The following PCDHGB3 variants were observed in gnomAD, a reference collection of about 807,000 sequenced individuals.
PCDHGB3 encodes protocadherin gamma subfamily B, 3.
In PCDHGB3, 40 loss-of-function variants were observed where a neutral mutation model predicts 59.2. The observed-to-expected ratio is 0.68, with a 90% CI of 0.52 to 0.88. The LOEUF (loss-of-function observed/expected upper bound fraction) is 0.88, where lower values mean the gene tolerates loss of function less well. Ranked by LOEUF, PCDHGB3 falls within the 40% of genes least tolerant of loss-of-function variation. The pLI is 0.00. For synonymous variants in PCDHGB3, 581 were observed against 503.6 expected, an observed-to-expected ratio of 1.15 and a Z score of -2.06; for missense variants, 1,309 against 1,187.9, an observed-to-expected ratio of 1.10 and a Z score of -1.50.
At chr5:141,384,231 C>T in intron 1 of PCDHGB3, 2 of 1,613,928 alleles carry the variant, frequency 1.2e-6, no homozygotes, top group Non-Finnish European at 1.7e-6. Flanking sequence ...AGGTGGCAGA[C>T]ACCAACGATA....
intron 2 of PCDHGB3, among the ~76,000 whole-genome samples, chr5:141,498,839 A>C (rs2099786236): frequency 6.6e-6 from 1 of 152,062 alleles, no homozygotes; most frequent in Non-Finnish European, 1.5e-5. Context: ...AGGCTGAGGC[A>C]GGGGAATCGC....
At position 141,491,640 on chromosome 5, in the gene PCDHGB3, T is replaced by A; in HGVS notation, c.2416-3167T>A. 6.2e-7 allele frequency: 1 copy of A among 1,613,804 alleles called. No homozygotes were observed. Among genetic ancestry groups the A allele is most frequent in the South Asian group, 1.1e-5 (1 of 91,086 alleles). On this transcript the variant is annotated intron_variant, in intron 1 of 3. Coordinates refer to ENST00000576222, the MANE Select transcript of PCDHGB3 (RefSeq NM_018924.5). This position sits in a 1 kb window ranked among gnomAD's most constrained non-coding sequence, Gnocchi z 6.9. ...CCCTCAGCGTTCAGCAGCCCACAGC[T>A]CTGGCGCTGGAGCCTGACGCCATCC...
Position 141,511,913 on chromosome 5 carries a change from A to G in PCDHGB3, c.*740A>G, listed in dbSNP as rs1190072814. On this transcript the variant is annotated 3_prime_UTR_variant, in exon 4 of 4. Coordinates refer to ENST00000576222, the MANE Select transcript of PCDHGB3 (RefSeq NM_018924.5). ...CCCCCACCTCCTCCTCAAACAAGAG[A>G]CTCCACTGCATGTTCCAAGACAGTA... is the stretch of plus-strand genomic sequence containing the variant. The G allele has an allele frequency of 6.4e-6, 1 of 156,050 alleles. No individual in the cohort carries two copies. The highest frequency in any genetic ancestry group is 2.4e-5 in the African/African-American group (1 of 41,402). The allele number at this position is 156,050 out of a possible 1,614,324, so 9.7% of individuals were successfully genotyped here.
At position 141,432,015 on chromosome 5, in the gene PCDHGB3, A is replaced by G. The variant is rs745405194; in HGVS notation, c.2415+59206A>G. 6.2e-7 allele frequency: 1 copy of G among 1,614,196 alleles called. No individual in the cohort carries two copies. Among genetic ancestry groups the G allele is most frequent in the Admixed American group, 1.7e-5 (1 of 60,032 alleles). On this transcript the variant is annotated intron_variant, in intron 1 of 3. Coordinates refer to ENST00000576222, the MANE Select transcript of PCDHGB3 (RefSeq NM_018924.5). The surrounding 1 kb of genome is among the most constrained non-coding windows in gnomAD (Gnocchi z 6.0). ...GATAGGGAACAGGTTCCTAGCTACA[A>G]CATCACAGTGACCGCCACTGACCGG...
At chr5:141,374,401 T>C in intron 1 of PCDHGB3, 7 of 1,614,060 alleles carry the variant, frequency 4.3e-6, no homozygotes, top group Non-Finnish European at 5.1e-6. Flanking sequence ...TGGTGAGTTT[T>C]AACATCCTTG....
rs772264177 is a variant in PCDHGB3 at position 141,376,458 on chromosome 5, T to C, written c.2415+3649T>C. On this transcript the variant is annotated intron_variant, in intron 1 of 3. Coordinates refer to ENST00000576222, the MANE Select transcript of PCDHGB3 (RefSeq NM_018924.5). Reference sequence around the variant, plus strand: ...AGCTATGAGAAAAGCGAGCCTCTTCTGATAACTCAGGATTTACTTGAAACG... The same window carrying C: ...AGCTATGAGAAAAGCGAGCCTCTTCCGATAACTCAGGATTTACTTGAAACG... 14 of 1,614,106 alleles carry C rather than the reference T, an allele frequency of 8.7e-6. No individual in the cohort carries two copies. In the African/African-American group the frequency reaches 1.5e-4, roughly 17 times the overall value.
At chr5:141,478,074 A>G in intron 1 of PCDHGB3, 1 of 1,614,090 alleles carries the variant, frequency 6.2e-7, no homozygotes, top group Non-Finnish European at 8.5e-7. Context: ...GACAATGGGG[A>G]GCCTTCGCTC....
In PCDHGB3 at chr5:141,407,146, T is replaced by C. The variant is rs142297912; in HGVS notation, c.2415+34337T>C. On this transcript the variant is annotated intron_variant, in intron 1 of 3. Transcript: ENST00000576222. ...TGCTTTATTTTTAAGAAAAAAAAGC[T>C]GAAGTGTCTGGGAATCCTTTATGAC... 2.0e-5 allele frequency among the ~76,000 whole-genome samples: 3 copies of C among 152,354 alleles called. No individual in the cohort carries two copies. The East Asian group carries it at 5.8e-4, about 29-fold the overall frequency.
chr5:141,485,744 G>T lies in PCDHGB3; in HGVS notation c.2416-9063G>T. 1 of 1,614,226 alleles carries T rather than the reference G, an allele frequency of 6.2e-7. No individual in the cohort carries two copies. Among genetic ancestry groups the T allele is most frequent in the Non-Finnish European group, 8.5e-7 (1 of 1,180,038 alleles). On this transcript the variant is annotated intron_variant, in intron 1 of 3. Transcript: ENST00000576222. The surrounding 1 kb of genome is among the most constrained non-coding windows in gnomAD (Gnocchi z 5.7). ...GAAGAAGCGCAGCGACGGCAGCCTG[G>T]TCCCAGAGCTGCTCCTGGAGAAGCC...
intron 1 of PCDHGB3, chr5:141,399,577 T>C: frequency 1.2e-6 from 2 of 1,613,972 alleles, no homozygotes; most frequent in Non-Finnish European, 1.7e-6. Context: ...CGGCCAAGTC[T>C]CCTACTCTAT....
Position 141,486,772 on chromosome 5 carries a change from T to A in PCDHGB3, c.2416-8035T>A. ...ATGAGCAAACCCAGACACTGCAGTT[T>A]GAGGTGCAGGCCCGGGATCGGGGCA... is the stretch of plus-strand genomic sequence containing the variant. On this transcript the variant is annotated intron_variant, in intron 1 of 3. Coordinates refer to ENST00000576222, the MANE Select transcript of PCDHGB3 (RefSeq NM_018924.5). The surrounding 1 kb of genome is among the most constrained non-coding windows in gnomAD (Gnocchi z 5.0). 1 of 1,614,246 alleles carries A rather than the reference T, an allele frequency of 6.2e-7. No homozygotes were observed. Among genetic ancestry groups the A allele is most frequent in the South Asian group, 1.1e-5 (1 of 91,088 alleles).
In PCDHGB3 at chr5:141,489,663, C is replaced by T. The variant is rs1183544696; in HGVS notation, c.2416-5144C>T. The T allele has an allele frequency of 1.9e-6, 3 of 1,614,048 alleles. No individual in the cohort carries two copies. The highest frequency in any genetic ancestry group is 2.2e-5 in the South Asian group (2 of 91,094). ...TTGCCACCCCTGAGCGAGAGATGCGCATCTCAGAATCAGCAGCATCTGGGG... is the reference window on the plus strand; with the variant it reads ...TTGCCACCCCTGAGCGAGAGATGCGTATCTCAGAATCAGCAGCATCTGGGG... On this transcript the variant is annotated intron_variant, in intron 1 of 3. Coordinates refer to ENST00000576222, the MANE Select transcript of PCDHGB3 (RefSeq NM_018924.5). This position sits in a 1 kb window ranked among gnomAD's most constrained non-coding sequence, Gnocchi z 4.5.
chr5:141,372,542 A>G lies in PCDHGB3; in HGVS notation c.2148A>G (p.Arg716=). The change falls in exon 1 of 4, where the codon CGA becomes CGG. Residue 716 remains arginine, a synonymous_variant. Coordinates refer to ENST00000576222, the MANE Select transcript of PCDHGB3 (RefSeq NM_018924.5). ...AVILAISLRL[R]CSSRPATEGY... is the part of the protein sequence containing the mutation. ...TTCTGGCAATCTCCCTGCGCCTGCGATGCTCCTCCAGACCCGCCACTGAGG... is the reference window on the plus strand; with the variant it reads ...TTCTGGCAATCTCCCTGCGCCTGCGGTGCTCCTCCAGACCCGCCACTGAGG... 1 of 1,613,892 alleles carries G rather than the reference A, an allele frequency of 6.2e-7. No individual in the cohort carries two copies. Among genetic ancestry groups the G allele is most frequent in the Non-Finnish European group, 8.5e-7 (1 of 1,179,870 alleles).
chr5:141,378,683 C>G (rs559332008), intron 1 of PCDHGB3: 9 of 152,254 alleles, frequency 5.9e-5, no homozygotes, highest in Admixed American at 5.9e-4. Context: ...AATATTTTAG[C>G]ATTTTAACCC....
intron 1 of PCDHGB3, among the ~76,000 whole-genome samples, chr5:141,454,596 G>C (rs1184158084): frequency 1.3e-5 from 2 of 151,324 alleles, no homozygotes; most frequent in Non-Finnish European, 2.9e-5. Flanking sequence ...AGTAGAGACA[G>C]GGTTTCTCCA....
Position 141,489,160 on chromosome 5 carries a change from C to A in PCDHGB3, c.2416-5647C>A. 1 of 1,029,962 alleles carries A rather than the reference C, an allele frequency of 9.7e-7. No individual in the cohort carries two copies. The highest frequency in any genetic ancestry group is 1.4e-6 in the Non-Finnish European group (1 of 701,366). 63.8% of individuals were successfully genotyped at this position (1,029,962 alleles called of 1,614,324 possible). ...GGCTGGAAGGAGACATAAGAGACTT[C>A]AGCTGCTGCATTCCAAGCCCTGGGT... On this transcript the variant is annotated intron_variant, in intron 1 of 3. Coordinates refer to ENST00000576222, the MANE Select transcript of PCDHGB3 (RefSeq NM_018924.5). The surrounding 1 kb of genome is among the most constrained non-coding windows in gnomAD (Gnocchi z 4.5).
chr5:141,376,522 G>A (rs767035645), intron 1 of PCDHGB3: 18 of 1,613,784 alleles, frequency 1.1e-5, no homozygotes, highest in Non-Finnish European at 1.5e-5. Flanking sequence ...GTTTCTTTCC[G>A]CCTAAGCGGG....
intron 1 of PCDHGB3, among the ~76,000 whole-genome samples, chr5:141,442,789 T>C (rs2098343347): frequency 6.6e-6 from 1 of 152,196 alleles, no homozygotes; most frequent in African/African-American, 2.4e-5. Flanking sequence ...ATTTTATAAT[T>C]TTACTTTGAT....
At chr5:141,504,500 GAGTGGATCT>G (rs2099838791) in intron 2 of PCDHGB3, among the ~76,000 whole-genome samples, 1 of 152,072 alleles carries the variant, frequency 6.6e-6, no homozygotes, top group Non-Finnish European at 1.5e-5. Context: ...TGCCCAGTCT[GAGTGGATCT>G]CCTCTGATAT....
Sources: allele counts gnomAD v4.1 joint callset (sites outside exome capture counted in the v4.1 genomes callset), GRCh38; gene constraint gnomAD v4.1.1; non-coding constraint Gnocchi (gnomAD v3.1); transcripts MANE v1.5; gene names NCBI Gene and HGNC (gene_info 2026-07-23, HGNC 2026-07-21).